PCBD1: variants seen among roughly 807,000 people sequenced by gnomAD.
The protein encoded by PCBD1 is pterin-4-alpha-carbinolamine dehydratase.
PCBD1 carries 16 observed loss-of-function variants against 12.6 expected under a neutral mutation model. The ratio of observed to expected loss-of-function variants is 1.27; its 90% CI spans 0.86 to 1.93. The LOEUF (loss-of-function observed/expected upper bound fraction) is 1.93. PCBD1 is among the 30% of genes most tolerant of loss of function. The probability of loss-of-function intolerance (pLI) is 0.00; values close to 1 mark genes in which losing one functional copy is unlikely to be tolerated. For synonymous variants in PCBD1, 53 were observed against 50.2 expected (o/e 1.05, Z -0.23); for missense variants, 86 against 130.1 (o/e 0.66, Z 1.65).
chr10:70,883,919 C>G lies in PCBD1; in HGVS notation c.*31G>C. On this transcript the variant is annotated 3_prime_UTR_variant, in exon 4 of 4. Transcript: ENST00000299299. ...GACTCCCAGTTCAGTCACCCCTTCC[C>G]CCGGAAGAATTCAAAGAGGAAGGGC... 6.2e-7 allele frequency: 1 copy of G among 1,604,272 alleles called. No individual in the cohort carries two copies. Among genetic ancestry groups the G allele is most frequent in the Non-Finnish European group, 8.5e-7 (1 of 1,175,024 alleles).
intron 1 of PCBD1, among the ~76,000 whole-genome samples, chr10:70,887,026 G>C (rs1846594618): frequency 6.6e-6 from 1 of 152,122 alleles, no homozygotes; most frequent in Non-Finnish European, 1.5e-5. Flanking sequence ...GGTTGATTTA[G>C]CTTTTATGAG....
Position 70,885,193 on chromosome 10 carries a change from T to G in PCBD1, c.175A>C (p.Lys59Gln). ...AACCATTCAGGATGGTGGTCCAGTTTCTCAGCCTGCAGGGCCACTCTTGTC... is the reference window on the plus strand; with the variant it reads ...AACCATTCAGGATGGTGGTCCAGTTGCTCAGCCTGCAGGGCCACTCTTGTC... ...FMTRVALQAE[K>Q]LDHHPEWFNV... Residue 59 changes from lysine (K) to glutamine (Q), a missense_variant, in exon 3 of 4, where the codon AAA becomes CAA. Lys to Gln is a moderately conservative substitution (Grantham distance 53, BLOSUM62 1). Transcript: ENST00000299299. 1 of 1,614,116 alleles carries G rather than the reference T, an allele frequency of 6.2e-7. No homozygotes were observed. Among genetic ancestry groups the G allele is most frequent in the Non-Finnish European group, 8.5e-7 (1 of 1,180,012 alleles).
rs1554841075 is a variant in PCBD1 at position 70,885,948 on chromosome 10, C to G, written c.4-19G>C. On this transcript the variant is annotated intron_variant, in intron 1 of 3. Coordinates refer to ENST00000299299, the MANE Select transcript of PCBD1 (RefSeq NM_000281.4). Reference sequence around the variant, plus strand: ...TGCCAGCCTAGAAGAGGGAAAAAAACAGAGGCCCAAGGGCATTTCTCTTTA... The same window carrying G: ...TGCCAGCCTAGAAGAGGGAAAAAAAGAGAGGCCCAAGGGCATTTCTCTTTA... The G allele has an allele frequency of 1.5e-5, 24 of 1,612,866 alleles. No homozygotes were observed. In the South Asian group the frequency reaches 2.4e-4, roughly 16 times the overall value.
chr10:70,884,171 T>C (rs529499946), intron 3 of PCBD1, 123 bp from the exon 4 acceptor site: 4 of 889,986 alleles, frequency 4.5e-6, no homozygotes, highest in South Asian at 2.8e-5. Flanking sequence ...CGATCTCTCC[T>C]GGGGACTCCT....
chr10:70,888,376 C>T, intron 1 of PCBD1, 155 bp downstream of exon 1: 2 of 815,106 alleles, frequency 2.5e-6, no homozygotes, highest in East Asian at 4.4e-5. Context: ...TCCCCGCCGC[C>T]AGCGACAGAG....
intron 1 of PCBD1, chr10:70,888,134 C>G (rs1280398232): frequency 5.8e-6 from 1 of 171,968 alleles, no homozygotes; most frequent in Non-Finnish European, 1.2e-5. Flanking sequence ...CACACGAGCG[C>G]GCAAACTCAG....
intron 3 of PCBD1, among the ~76,000 whole-genome samples, 186 bp from the exon 4 acceptor site, chr10:70,884,234 A>G (rs1254526834): frequency 1.3e-5 from 2 of 152,214 alleles, no homozygotes; most frequent in East Asian, 1.9e-4. Context: ...CTGTCTCTCA[A>G]AAATAATCAT....
intron 1 of PCBD1, among the ~76,000 whole-genome samples, chr10:70,887,626 AC>A (rs1159116069): frequency 3.4e-5 from 5 of 149,236 alleles, no homozygotes; most frequent in Admixed American, 6.6e-5. Context: ...GCCTTCTGGA[AC>A]CCCCCAGGTC....
At chr10:70,884,629 C>T (rs931760021) in intron 3 of PCBD1, among the ~76,000 whole-genome samples, 1 of 151,970 alleles carries the variant, frequency 6.6e-6, no homozygotes, top group African/African-American at 2.4e-5. Flanking sequence ...CTACAGGCGT[C>T]CACCACCGCG....
intron 3 of PCBD1, 47 bp downstream of exon 3, chr10:70,885,105 T>TGG (rs1341910594): frequency 1.3e-6 from 2 of 1,494,796 alleles, no homozygotes; most frequent in South Asian, 2.3e-5. Context: ...GAGTTCGCAG[T>TGG]ATTTGGATGG....
At chr10:70,888,303 C>G in intron 1 of PCBD1, 1 of 410,280 alleles carries the variant, frequency 2.4e-6, no homozygotes, top group East Asian at 4.4e-5. Flanking sequence ...CAGGGCAGGC[C>G]TGGCCTCCCA....
intron 2 of PCBD1, 133 bp downstream of exon 2, chr10:70,885,665 A>G: frequency 8.8e-7 from 1 of 1,139,654 alleles, no homozygotes; most frequent in Non-Finnish European, 1.3e-6. Context: ...CCCCACTGGC[A>G]CAGTGCCCAA....
chr10:70,887,889 G>T (rs1846610183), intron 1 of PCBD1: 1 of 152,410 alleles, frequency 6.6e-6, no homozygotes, highest in Non-Finnish European at 1.5e-5. Flanking sequence ...ATGGTCTGAT[G>T]AAGCTCGCGA....
At chr10:70,886,121 C>T (rs1324535896) in intron 1 of PCBD1, among the ~76,000 whole-genome samples, 192 bp from the exon 2 acceptor site, 1 of 152,160 alleles carries the variant, frequency 6.6e-6, no homozygotes, top group Admixed American at 6.5e-5. Flanking sequence ...GGGGTCCAGG[C>T]TCGTCTGCCG....
Position 70,888,329 on chromosome 10 carries a change from A to G in PCBD1, c.3+202T>C, listed in dbSNP as rs827239. 1 allele frequency: 471,320 copies of G among 472,162 alleles called. 235,246 individuals are homozygous for G. The highest frequency in any genetic ancestry group is 1 in the East Asian group (22,125 of 22,126). The allele number at this position is 472,162 out of a possible 1,614,324, so 29.2% of individuals were successfully genotyped here. On this transcript the variant is annotated intron_variant, in intron 1 of 3. Coordinates refer to ENST00000299299, the MANE Select transcript of PCBD1 (RefSeq NM_000281.4). The stretch of plus-strand genomic sequence containing the variant: ...TGGCCTCCCAACTGGGTGGGATTCG[A>G]ACCCGCCACCGCCCCTCTCAGGGCT...
intron 1 of PCBD1, chr10:70,888,198 G>A (rs1846618244): frequency 3.8e-6 from 1 of 266,396 alleles, no homozygotes; most frequent in Non-Finnish European, 7.0e-6. Context: ...CCAAGGGGAC[G>A]AGATCCGTGG....
intron 1 of PCBD1, among the ~76,000 whole-genome samples, chr10:70,887,692 G>C (rs1188000714): frequency 6.6e-6 from 1 of 152,296 alleles, no homozygotes; most frequent in Non-Finnish European, 1.5e-5. Flanking sequence ...TGGAGACAGA[G>C]AGGGGGACGC....
At chr10:70,885,754 C>CA (rs1419889831) in intron 2 of PCBD1, 44 bp downstream of exon 2, 1 of 1,611,812 alleles carries the variant, frequency 6.2e-7, no homozygotes, top group Non-Finnish European at 8.5e-7. Flanking sequence ...AAGGTGACCC[C>CA]ATCAGCCCGT....
Position 70,885,257 on chromosome 10 carries a change from G to C in PCBD1, c.136-25C>G, listed in dbSNP as rs367896751. The C allele has an allele frequency of 1.1e-3, 1,751 of 1,588,770 alleles. 5 individuals carry two copies. The highest frequency in any genetic ancestry group is 1.4e-3 in the Non-Finnish European group (1,649 of 1,157,074). On this transcript the variant is annotated intron_variant, in intron 2 of 3. Transcript: ENST00000299299. ...CCTATTTAAGTGGAGTGAGAGCCAGGTTAGTGTTCTAAGAGAAAGGACTTC... is the reference window on the plus strand; with the variant it reads ...CCTATTTAAGTGGAGTGAGAGCCAGCTTAGTGTTCTAAGAGAAAGGACTTC...
Sources: gnomAD v4.1 joint callset for allele counts (sites outside exome capture counted in the v4.1 genomes callset) on GRCh38, gnomAD v4.1.1 for gene constraint, MANE v1.5 for transcripts, NCBI Gene and HGNC (gene_info 2026-07-23, HGNC 2026-07-21) for gene names.